The following MYO5B variants were observed in gnomAD, a reference collection of about 807,000 sequenced individuals.
MYO5B encodes unconventional myosin-Vb.
MYO5B carries 143 observed loss-of-function variants against 229.3 expected under a neutral mutation model. That is an observed-to-expected ratio of 0.62 (90% CI 0.54 to 0.72). The LOEUF is 0.72. Ranked by LOEUF, MYO5B falls within the 30% of genes least tolerant of loss-of-function variation. The pLI is 0.00. For synonymous variants in MYO5B, 918 were observed against 885.2 expected (o/e 1.04, Z -0.66); for missense variants, 2,321 against 2,331.0 (o/e 1.00, Z 0.09).
intron 1 of MYO5B, among the ~76,000 whole-genome samples, chr18:50,190,194 A>G (rs2033208074): frequency 2.6e-5 from 4 of 152,244 alleles, no homozygotes. Context: ...TCTATAGATA[A>G]GAGTTGTATT....
intron 1 of MYO5B, among the ~76,000 whole-genome samples, chr18:50,190,516 C>T (rs949458069): frequency 5.3e-5 from 8 of 152,162 alleles, no homozygotes; most frequent in Non-Finnish European, 1.2e-4. Flanking sequence ...CTTTCTCCAT[C>T]CAGAAAAACC....
chr18:49,836,799 T>C lies in MYO5B; in HGVS notation c.5225A>G (p.Gln1742Arg). Residue 1742 changes from glutamine (Q) to arginine (R), a missense_variant, in exon 38 of 40, where the codon CAA becomes CGA. This residue lies in a region of MYO5B where 208 missense variants were observed against 286.3 expected (regional missense o/e 0.73). Transcript: ENST00000285039. ...GAVQTMEPLI[Q>R]AAQLLQLKKK... ...CTTTAATTGCAGGAGCTGGGCTGCT[T>C]GGATCAGAGGTTCCATGGTCTGAAC... 1.2e-6 allele frequency: 2 copies of C among 1,614,220 alleles called. No homozygotes were observed. The highest frequency in any genetic ancestry group is 1.7e-6 in the Non-Finnish European group (2 of 1,180,036).
At chr18:50,062,345 A>G (rs2030707792) in intron 1 of MYO5B, among the ~76,000 whole-genome samples, 1 of 152,212 alleles carries the variant, frequency 6.6e-6, no homozygotes, top group African/African-American at 2.4e-5. Context: ...CTAACTTGAT[A>G]GCTGGCAGTA....
At chr18:50,103,947 T>G (rs1378300377) in intron 1 of MYO5B, among the ~76,000 whole-genome samples, 1 of 151,034 alleles carries the variant, frequency 6.6e-6, no homozygotes, top group African/African-American at 2.4e-5. Context: ...AGGATCACCT[T>G]CTTAGTTAAA....
chr18:50,194,173 C>G lies in MYO5B; in HGVS notation c.27+594G>C, dbSNP rs545451173. Among the ~76,000 whole-genome samples the G allele has an allele frequency of 5.9e-5, 9 of 152,358 alleles. No individual in the cohort carries two copies. In the East Asian group the frequency reaches 1.7e-3, roughly 29 times the overall value. ...GGCGCACCCCTCTACCCATTGCTTA[C>G]CCTCACTCCATCCAGCCGCCGCGCC... On this transcript the variant is annotated intron_variant, in intron 1 of 39. Transcript: ENST00000285039.
At chr18:50,051,724 T>G (rs72915715) in intron 2 of MYO5B, among the ~76,000 whole-genome samples, 26,438 of 152,252 alleles carry the variant, frequency 0.17, 2,362 homozygotes, top group South Asian at 0.23. Flanking sequence ...TCATCTTGTT[T>G]ACTTCAATAT....
chr18:49,902,466 TG>T, intron 21 of MYO5B, 127 bp downstream of exon 21: 1 of 1,274,792 alleles, frequency 7.8e-7, no homozygotes, highest in Non-Finnish European at 1.1e-6. Context: ...GTATCTGCTG[TG>T]GTCTGAGGAC....
chr18:49,888,791 C>A (rs1443482336), intron 22 of MYO5B, among the ~76,000 whole-genome samples: 1 of 152,228 alleles, frequency 6.6e-6, no homozygotes, highest in African/African-American at 2.4e-5. Context: ...CCATTCTTTA[C>A]TGGTTACTTT....
chr18:50,179,793 C>T (rs528900848), intron 1 of MYO5B, among the ~76,000 whole-genome samples: 1 of 152,242 alleles, frequency 6.6e-6, no homozygotes, highest in East Asian at 1.9e-4. Context: ...GCCTGGTTCC[C>T]GAAAGAGCCT....
At chr18:50,012,220 CT>C (rs1568070152) in intron 4 of MYO5B, among the ~76,000 whole-genome samples, 1 of 152,192 alleles carries the variant, frequency 6.6e-6, no homozygotes, top group African/African-American at 2.4e-5. Context: ...TTAAGAAGCA[CT>C]GCTACAGACT....
chr18:49,888,341 T>A (rs1787547), intron 22 of MYO5B, among the ~76,000 whole-genome samples: 18,644 of 152,026 alleles, frequency 0.12, 1,467 homozygotes, highest in African/African-American at 0.22. Context: ...ATCACCCCGA[T>A]TGAGAATCAC....
chr18:50,050,209 G>A (rs1454385545), intron 2 of MYO5B, among the ~76,000 whole-genome samples: 1 of 152,158 alleles, frequency 6.6e-6, no homozygotes, highest in Non-Finnish European at 1.5e-5. Flanking sequence ...AAAAGAAGAA[G>A]TAATCAAACT....
At chr18:50,097,976 A>G (rs183776860) in intron 1 of MYO5B, among the ~76,000 whole-genome samples, 36 of 152,310 alleles carry the variant, frequency 2.4e-4, no homozygotes, top group African/African-American at 7.9e-4. Flanking sequence ...GAAACTACAC[A>G]CTGCTTTTTG....
At chr18:50,153,444 G>A (rs1568126583) in intron 1 of MYO5B, among the ~76,000 whole-genome samples, 1 of 151,978 alleles carries the variant, frequency 6.6e-6, no homozygotes, top group Non-Finnish European at 1.5e-5. Flanking sequence ...ATGAGACATG[G>A]GAGAAATATT....
At chr18:49,889,888 A>AC in intron 22 of MYO5B, among the ~76,000 whole-genome samples, 1 of 151,950 alleles carries the variant, frequency 6.6e-6, no homozygotes, top group Non-Finnish European at 1.5e-5. Flanking sequence ...TGCCACCTAC[A>AC]CCTCCTATTG....
At chr18:49,911,418 T>TAAA (rs746130922) in intron 18 of MYO5B, among the ~76,000 whole-genome samples, 4 of 152,198 alleles carry the variant, frequency 2.6e-5, no homozygotes, top group Non-Finnish European at 5.9e-5. Context: ...TGGCTGAAGG[T>TAAA]GGCCTGATCC....
At chr18:50,081,441 G>A (rs964576543) in intron 1 of MYO5B, among the ~76,000 whole-genome samples, 2 of 152,198 alleles carry the variant, frequency 1.3e-5, no homozygotes, top group African/African-American at 4.8e-5. Context: ...CTACACACAG[G>A]TGATTCATCC....
chr18:49,994,843 AG>A (rs1266770038), intron 5 of MYO5B, among the ~76,000 whole-genome samples: 4 of 152,204 alleles, frequency 2.6e-5, no homozygotes, highest in Admixed American at 2.6e-4. Flanking sequence ...AAAATGGAAA[AG>A]GAGGCTATAT....
rs1436788126 is a variant in MYO5B, at chr18:49,824,089, C to G, written c.*2382G>C. ...GAGACATCTAATGCAGAGTTCAAACCTGAATTGTTAAAGAGTCATTACTGA... is the reference window on the plus strand; with the variant it reads ...GAGACATCTAATGCAGAGTTCAAACGTGAATTGTTAAAGAGTCATTACTGA... On this transcript the variant is annotated 3_prime_UTR_variant, in exon 40 of 40. Coordinates refer to ENST00000285039, the MANE Select transcript of MYO5B (RefSeq NM_001080467.3). 2 of 151,580 alleles carry G rather than the reference C, an allele frequency of 1.3e-5. No individual in the cohort carries two copies. Among genetic ancestry groups the G allele is most frequent in the Non-Finnish European group, 2.9e-5 (2 of 67,798 alleles). 9.4% of individuals were successfully genotyped at this position (151,580 alleles called of 1,614,324 possible).
Sources: allele counts gnomAD v4.1 joint callset (sites outside exome capture counted in the v4.1 genomes callset), GRCh38; gene constraint gnomAD v4.1.1; regional missense constraint gnomAD v4.1.1; transcripts MANE v1.5; gene names NCBI Gene and HGNC (gene_info 2026-07-23, HGNC 2026-07-21).